The following ZNF605 variants were observed in gnomAD, a reference collection of about 807,000 sequenced individuals.
ZNF605 encodes the protein zinc finger protein 605.
In ZNF605, 9 loss-of-function variants were observed where a neutral mutation model predicts 7.9. That is an observed-to-expected ratio of 1.14 (90% CI 0.68 to 1.98). ZNF605 has a LOEUF of 1.98. Among genes scored for constraint, ZNF605 ranks in the 30% most tolerant of loss-of-function variants. ZNF605 has a pLI of 0.00. For synonymous variants in ZNF605, 255 were observed against 260.1 expected (o/e 0.98, Z 0.19); for missense variants, 673 against 762.4 (o/e 0.88, Z 1.38).
At chr12:132,929,361 C>T (rs571436052) in intron 4 of ZNF605, among the ~76,000 whole-genome samples, 19 of 152,124 alleles carry the variant, frequency 1.2e-4, no homozygotes, top group Admixed American at 4.6e-4. Flanking sequence ...CGTCAGCCTG[C>T]GTGACTGAGT....
chr12:132,927,526 C>T lies in ZNF605; in HGVS notation c.137-364G>A, dbSNP rs561453220. On this transcript the variant is annotated intron_variant, in intron 4 of 4. Coordinates refer to ENST00000360187, the MANE Select transcript of ZNF605 (RefSeq NM_183238.4). Reference sequence around the variant, plus strand: ...GATTACAGGCATGTGCCACCACACCCGGCTACTTTTTGTATTTTTAATAGA... The same window carrying T: ...GATTACAGGCATGTGCCACCACACCTGGCTACTTTTTGTATTTTTAATAGA... Among the ~76,000 whole-genome samples the T allele has an allele frequency of 4.1e-4, 62 of 150,568 alleles. No homozygotes were observed. In the South Asian group the frequency reaches 6.7e-3, roughly 16 times the overall value.
chr12:132,927,591 CTT>C (rs1255166348), intron 4 of ZNF605, among the ~76,000 whole-genome samples: 9 of 151,948 alleles, frequency 5.9e-5, no homozygotes, highest in Non-Finnish European at 1.0e-4. Context: ...GTCTCGATCT[CTT>C]GACCTCGTGA....
intron 1 of ZNF605, among the ~76,000 whole-genome samples, chr12:132,949,302 A>C (rs1432756053): frequency 5.9e-5 from 9 of 152,198 alleles, no homozygotes; most frequent in Non-Finnish European, 4.4e-5. Context: ...AAGGAGATTC[A>C]TTTAAACCAC....
rs1310632630 is a variant in ZNF605 at position 132,951,293 on chromosome 12, GAC to G, written c.-285-3025_-285-3024del. Among the ~76,000 whole-genome samples the G allele has an allele frequency of 4.0e-5, 6 of 149,248 alleles. No individual in the cohort carries two copies. In the East Asian group the frequency reaches 1.2e-3, roughly 30 times the overall value. On this transcript the variant is annotated intron_variant, in intron 1 of 4. Transcript: ENST00000360187. ...TCACACACAGATACACGTACACACA[GAC>G]ACGTACACAGACATGCACACACTGA...
Position 132,925,768 on chromosome 12 carries a change from T to A in ZNF605, c.1531A>T (p.Arg511Trp). 2 of 1,614,014 alleles carry A rather than the reference T, an allele frequency of 1.2e-6. No individual in the cohort carries two copies. The highest frequency in any genetic ancestry group is 1.7e-6 in the Non-Finnish European group (2 of 1,179,954). Residue 511 changes from arginine (R) to tryptophan (W), a missense_variant, in exon 5 of 5, where the codon AGG (arginine) becomes TGG (tryptophan). Physicochemically the swap from Arg to Trp is moderately radical, Grantham distance 101 (BLOSUM62 -3). Transcript: ENST00000360187. ...TGTGGCTTCCAGGCAAAAGCTTTCCTACATTCACTACATTCAAAGGGCTTT... is the reference window on the plus strand; with the variant it reads ...TGTGGCTTCCAGGCAAAAGCTTTCCAACATTCACTACATTCAAAGGGCTTT... ...GEKPFECSEC[R>W]KAFAWKPQLL...
rs1291305430 is a variant in ZNF605 at position 132,926,713 on chromosome 12, G to A, written c.586C>T (p.Pro196Ser). 7.4e-6 allele frequency: 12 copies of A among 1,614,140 alleles called. No homozygotes were observed. In the East Asian group the frequency reaches 2.2e-4, roughly 30 times the overall value. Residue 196 changes from proline to serine, a missense_variant, in exon 5 of 5, where the codon CCC (proline) becomes TCC (serine). Pro to Ser is a moderately conservative substitution (Grantham distance 74). Transcript: ENST00000360187. ...IHQRTHTGEK[P>S]YQCSECGKAF... Reference sequence around the variant, plus strand: ...TTTCCACACTCACTGCATTGATAGGGCTTCTCTCCTGTATGAGTTCTCTGG... The same window carrying A: ...TTTCCACACTCACTGCATTGATAGGACTTCTCTCCTGTATGAGTTCTCTGG...
chr12:132,950,872 C>A (rs910708070), intron 1 of ZNF605, among the ~76,000 whole-genome samples: 1 of 150,922 alleles, frequency 6.6e-6, no homozygotes. Flanking sequence ...CACACTGATA[C>A]AAATACATCA....
At chr12:132,944,217 C>A (rs1477368188) in intron 3 of ZNF605, among the ~76,000 whole-genome samples, 1 of 142,880 alleles carries the variant, frequency 7.0e-6, no homozygotes, top group Non-Finnish European at 1.5e-5. Flanking sequence ...ATCCTTTATT[C>A]CTTTACTTTT....
intron 4 of ZNF605, among the ~76,000 whole-genome samples, chr12:132,931,561 C>A (rs1952309341): frequency 6.6e-6 from 1 of 152,264 alleles, no homozygotes; most frequent in Non-Finnish European, 1.5e-5. Context: ...ATCAGAGGTA[C>A]AGATGCAGAG....
chr12:132,936,571 A>G (rs1367355086), intron 3 of ZNF605, among the ~76,000 whole-genome samples: 1 of 152,238 alleles, frequency 6.6e-6, no homozygotes, highest in East Asian at 1.9e-4. Flanking sequence ...ACAGAACTCA[A>G]AAATAAGCCC....
At position 132,952,848 on chromosome 12, in the gene ZNF605, C is replaced by G. The variant is rs994605639; in HGVS notation, c.-286+3395G>C. Among the ~76,000 whole-genome samples the G allele has an allele frequency of 4.6e-5, 7 of 152,218 alleles. No individual in the cohort carries two copies. In the South Asian group the frequency reaches 1.0e-3, roughly 23 times the overall value. ...AAAGGGCAAAAAGACCTGTCACTCA[C>G]GAGAGGCTTGCCTGAGCCAACCCAC... On this transcript the variant is annotated intron_variant, in intron 1 of 4. Coordinates refer to ENST00000360187, the MANE Select transcript of ZNF605 (RefSeq NM_183238.4).
intron 3 of ZNF605, among the ~76,000 whole-genome samples, chr12:132,939,690 C>T (rs373479264): frequency 7.1e-4 from 108 of 152,228 alleles, no homozygotes; most frequent in African/African-American, 2.3e-3. Context: ...GCAGGCTGCC[C>T]GAGCCAGCAG....
At position 132,920,141 on chromosome 12, in the gene ZNF605, G is replaced by C. The variant is rs906823756; in HGVS notation, c.*5232C>G. ...GTGTGAGCCACCGCGCCCAGCGCCT[G>C]ATTTATTTATTTTTTTGAGACAGAG... On this transcript the variant is annotated 3_prime_UTR_variant, in exon 5 of 5. Coordinates refer to ENST00000360187, the MANE Select transcript of ZNF605 (RefSeq NM_183238.4). 2.9e-5 allele frequency: 4 copies of C among 137,090 alleles called. No homozygotes were observed. The highest frequency in any genetic ancestry group is 1.1e-4 in the African/African-American group (4 of 36,552). The allele number at this position is 137,090 out of a possible 1,614,324, so 8.5% of individuals were successfully genotyped here.
rs1447333093 is a variant in ZNF605, at chr12:132,926,615, G to A, written c.684C>T (p.Ser228=). The A allele has an allele frequency of 1.8e-5, 29 of 1,613,882 alleles. No homozygotes were observed. Among genetic ancestry groups the A allele is most frequent in the African/African-American group, 1.3e-4 (10 of 74,866 alleles). Residue 228 remains serine (S), a synonymous_variant, in exon 5 of 5, where the codon AGC becomes AGT. Transcript: ENST00000360187. The part of the protein sequence containing the change: ...THSGEKPHGC[S]ECQKAFSRKS... ...TCCTACTAAAAGCTTTCTGACATTC[G>A]CTGCACCCATGCGGTTTTTCTCCTG...
At position 132,926,840 on chromosome 12, in the gene ZNF605, G is replaced by A. The variant is rs895258024; in HGVS notation, c.459C>T (p.Asn153=). Residue 153 remains asparagine (N), a synonymous_variant, in exon 5 of 5, where the codon AAC becomes AAT. Transcript: ENST00000360187. ...CDCSTCRKSS[N]EEPWLTANHI... ...GATTAGCAGTGAGCCATGGCTCTTC[G>A]TTGCTGGATTTTCTACATGTACTGC... is the stretch of plus-strand genomic sequence containing the variant. 336 of 1,614,182 alleles carry A rather than the reference G, an allele frequency of 2.1e-4. 1 individual carries two copies. In the African/African-American group the frequency reaches 4.1e-3, roughly 20 times the overall value.
chr12:132,926,893 T>TTC lies in ZNF605; in HGVS notation c.404_405dup (p.Thr136GlufsTer6). The TTC allele has an allele frequency of 6.2e-7, 1 of 1,614,070 alleles. No homozygotes were observed. Among genetic ancestry groups the TTC allele is most frequent in the South Asian group, 1.1e-5 (1 of 91,020 alleles). On this transcript the variant is annotated frameshift_variant, in exon 5 of 5. Transcript: ENST00000360187. LOFTEE classifies it low-confidence loss of function (END_TRUNC). ...TCACAGTATTTTATCCCACCATGGG[T>TTC]TCTGCCAGGTTTGATACAGAACAAT...
At chr12:132,950,700 C>T (rs2086507896) in intron 1 of ZNF605, among the ~76,000 whole-genome samples, 1 of 151,460 alleles carries the variant, frequency 6.6e-6, no homozygotes, top group South Asian at 2.1e-4. Flanking sequence ...TACACACAGA[C>T]ATGCACACAC....
chr12:132,956,075 C>T (rs2137175338), intron 1 of ZNF605, among the ~76,000 whole-genome samples, 168 bp downstream of exon 1: 1 of 151,356 alleles, frequency 6.6e-6, no homozygotes, highest in South Asian at 2.1e-4. Context: ...GCGCATGCGC[C>T]CAGGCCGGTC....
chr12:132,925,860 C>T lies in ZNF605; in HGVS notation c.1439G>A (p.Ser480Asn). 3 of 1,614,142 alleles carry T rather than the reference C, an allele frequency of 1.9e-6. No homozygotes were observed. The highest frequency in any genetic ancestry group is 2.5e-6 in the Non-Finnish European group (3 of 1,179,990). Reference sequence around the variant, plus strand: ...CTCACTGAAGGTTTTCCTGCATTCACTGCATTCATAGGGTTTCTCACCTGT... The same window carrying T: ...CTCACTGAAGGTTTTCCTGCATTCATTGCATTCATAGGGTTTCTCACCTGT... ...THTGEKPYEC[S>N]ECRKTFSEKS... Residue 480 changes from serine (S) to asparagine (N), a missense_variant, in exon 5 of 5, where the codon AGT becomes AAT. Ser to Asn is a conservative substitution (Grantham distance 46). Transcript: ENST00000360187.
Sources: gnomAD v4.1 joint callset for allele counts (sites outside exome capture counted in the v4.1 genomes callset) on GRCh38, gnomAD v4.1.1 for gene constraint, MANE v1.5 for transcripts, NCBI Gene and HGNC (gene_info 2026-07-23, HGNC 2026-07-21) for gene names.